Variants in LAMC2 observed in about 807,000 individuals in gnomAD.
LAMC2 encodes laminin subunit gamma-2.
Under a neutral mutation model 140.2 loss-of-function variants are expected in LAMC2, and 97 were observed. That is an observed-to-expected ratio of 0.69 (90% confidence interval 0.59 to 0.82). The LOEUF (loss-of-function observed/expected upper bound fraction) is 0.82, where lower values mean the gene tolerates loss of function less well. LAMC2 is among the 40% of genes least tolerant of loss of function. LAMC2 has a pLI of 0.00. For missense variants in LAMC2, 1,402 were observed against 1,476.1 expected, an observed-to-expected ratio of 0.95 and a Z score of 0.82; for synonymous variants, 513 against 540.2, an observed-to-expected ratio of 0.95 and a Z score of 0.70.
the LAMC2 span, chr1:183,252,597 A>T: frequency 1.5e-6 from 2 of 1,317,988 alleles, no homozygotes; most frequent in Non-Finnish European, 2.2e-6. Flanking sequence ...CAGGGGGCTG[A>T]CAAAGATGGA....
chr1:183,239,793 G>C lies in LAMC2; in HGVS notation c.3069+230G>C, dbSNP rs1011481868. ...GGTTCCTAACTCTGTTCAACATTTG[G>C]TGAGCATTGAACTGAGAGAGAAGCA... On this transcript the variant is annotated intron_variant, in intron 20 of 22. Coordinates refer to ENST00000264144, the MANE Select transcript of LAMC2 (RefSeq NM_005562.3). 6.3e-6 allele frequency: 4 copies of C among 633,652 alleles called. No individual in the cohort carries two copies. The South Asian group carries it at 7.8e-5, about 12-fold the overall frequency. 39.3% of individuals were successfully genotyped at this position (633,652 alleles called of 1,614,324 possible).
In LAMC2 at chr1:183,236,590, G is replaced by T. The variant is rs1659972369; in HGVS notation, c.2587G>T (p.Asp863Tyr). The change falls in exon 17 of 23, where the codon GAT becomes TAT. Residue 863 changes from aspartate (D) to tyrosine (Y), a missense_variant. By Grantham distance (160) the Asp-to-Tyr change is radical. Coordinates refer to ENST00000264144, the MANE Select transcript of LAMC2 (RefSeq NM_005562.3). ...DSVSRLQGVS[D>Y]QSFQVEEAKR... is the part of the protein sequence containing the mutation. ...AGTGTCTCGGCTTCAGGGAGTCAGT[G>T]ATCAGTCCTTTCAGGTGAGGGCATC... 1 of 1,614,102 alleles carries T rather than the reference G, an allele frequency of 6.2e-7. No homozygotes were observed. The highest frequency in any genetic ancestry group is 1.3e-5 in the African/African-American group (1 of 75,026).
intron 18 of LAMC2, 54 bp downstream of exon 18, chr1:183,237,558 A>G (rs905589948): frequency 3.5e-6 from 5 of 1,421,324 alleles, no homozygotes; most frequent in Admixed American, 1.8e-5. Context: ...TGCCCACCAT[A>G]TGAATAAATA....
chr1:183,249,514 G>T (rs189159644), downstream of LAMC2: 31 of 152,336 alleles, frequency 2.0e-4, 1 homozygote, highest in Admixed American at 2.0e-3. Flanking sequence ...GAAGGAACAG[G>T]ACCCCAGAGA....
At chr1:183,241,339 T>C in intron 22 of LAMC2, 1 of 984,522 alleles carries the variant, frequency 1.0e-6, no homozygotes, top group Non-Finnish European at 1.2e-6. Context: ...ATGTAACCAG[T>C]GGGAGGAACT....
chr1:183,224,352 G>A (rs1462463458), intron 7 of LAMC2, among the ~76,000 whole-genome samples: 1 of 152,180 alleles, frequency 6.6e-6, no homozygotes, highest in African/African-American at 2.4e-5. Context: ...GTTGGAAAAG[G>A]ACCCATCATG....
chr1:183,239,300 C>T (rs2102251416), intron 19 of LAMC2, 64 bp from the exon 20 acceptor site: 1 of 1,396,662 alleles, frequency 7.2e-7, no homozygotes, highest in East Asian at 2.3e-5. Flanking sequence ...CAACATCAGC[C>T]CCTTTCACTC....
chr1:183,238,405 C>T lies in LAMC2; in HGVS notation c.2853C>T (p.Ile951=), dbSNP rs1558098726. The T allele has an allele frequency of 1.2e-6, 2 of 1,610,706 alleles. No individual in the cohort carries two copies. The highest frequency in any genetic ancestry group is 4.5e-5 in the East Asian group (2 of 44,858). The change falls in exon 19 of 23, where the codon ATC becomes ATT. Residue 951 remains isoleucine, a synonymous_variant. Transcript: ENST00000264144. ...GNATFYEVES[I]LKNLREFDLQ... ...CCACTTTTTATGAAGTTGAGAGCAT[C>T]CTTAAAAACCTCAGAGGTTAGTACT...
At chr1:183,245,769 A>G (rs1211891477), downstream of LAMC2, among the ~76,000 whole-genome samples, 1 of 152,254 alleles carries the variant, frequency 6.6e-6, no homozygotes, top group Non-Finnish European at 1.5e-5. Flanking sequence ...TTCCAAGTGT[A>G]AGATTAGACA....
chr1:183,256,862 C>T, the LAMC2 span, among the ~76,000 whole-genome samples: 2 of 152,198 alleles, frequency 1.3e-5, no homozygotes, highest in South Asian at 2.1e-4. Context: ...AGTGATTCTT[C>T]TGCCTCAGCC....
chr1:183,236,507 C>T lies in LAMC2; in HGVS notation c.2504C>T (p.Thr835Ile). Residue 835 changes from threonine (T) to isoleucine (I), a missense_variant, in exon 17 of 23, where the codon ACT becomes ATT. Thr to Ile is a moderately conservative substitution (Grantham distance 89). Coordinates refer to ENST00000264144, the MANE Select transcript of LAMC2 (RefSeq NM_005562.3). ...GCCCAGCAGTTGACAAGGGAGGCCA[C>T]TCAAGCGGAAATTGAAGCAGATAGG... is the stretch of plus-strand genomic sequence containing the variant. ...SLAQQLTREA[T>I]QAEIEADRSY... is the part of the protein sequence containing the mutation. The T allele has an allele frequency of 1.2e-6, 2 of 1,614,066 alleles. No individual in the cohort carries two copies. The highest frequency in any genetic ancestry group is 1.7e-6 in the Non-Finnish European group (2 of 1,180,016).
intron 12 of LAMC2, 48 bp from the exon 13 acceptor site, chr1:183,232,139 G>T: frequency 6.2e-7 from 1 of 1,608,038 alleles, no homozygotes; most frequent in South Asian, 1.1e-5. Flanking sequence ...ATGATCCCTT[G>T]GGTACATGGT....
chr1:183,222,691 T>A (rs936804395), intron 6 of LAMC2, among the ~76,000 whole-genome samples: 1 of 152,206 alleles, frequency 6.6e-6, no homozygotes, highest in Non-Finnish European at 1.5e-5. Flanking sequence ...CTTGGGCAAG[T>A]TGTTCTCTTA....
chr1:183,256,723 C>A, the LAMC2 span, among the ~76,000 whole-genome samples: 1 of 152,248 alleles, frequency 6.6e-6, no homozygotes, highest in Non-Finnish European at 1.5e-5. Flanking sequence ...AGGACTTTTA[C>A]ATCAATGCTC....
At chr1:183,256,020 G>A in the LAMC2 span, among the ~76,000 whole-genome samples, 1 of 152,164 alleles carries the variant, frequency 6.6e-6, no homozygotes, top group South Asian at 2.1e-4. Context: ...TGGGAATAGT[G>A]GGCATTCTTG....
chr1:183,252,739 C>T, the LAMC2 span: 1 of 1,612,274 alleles, frequency 6.2e-7, no homozygotes, highest in Non-Finnish European at 8.5e-7. Context: ...TGCTGCAGGG[C>T]CAGCCTGCAC....
chr1:183,237,808 C>T (rs1571540555), intron 18 of LAMC2, among the ~76,000 whole-genome samples: 1 of 152,188 alleles, frequency 6.6e-6, no homozygotes, highest in African/African-American at 2.4e-5. Context: ...ATCACTTGAG[C>T]TCATGAGTTC....
intron 1 of LAMC2, among the ~76,000 whole-genome samples, chr1:183,187,071 G>C (rs1171617255): frequency 6.6e-6 from 1 of 152,208 alleles, no homozygotes; most frequent in Non-Finnish European, 1.5e-5. Flanking sequence ...AAAACTTTGT[G>C]AGAACCTAGC....
At chr1:183,229,453 A>G (rs908309712) in intron 11 of LAMC2, among the ~76,000 whole-genome samples, 1 of 152,036 alleles carries the variant, frequency 6.6e-6, no homozygotes, top group Non-Finnish European at 1.5e-5. Context: ...CCTGGCCAAC[A>G]TGGTGAAACC....
Sources: gnomAD v4.1 joint callset for allele counts (sites outside exome capture counted in the v4.1 genomes callset) on GRCh38, gnomAD v4.1.1 for gene constraint, MANE v1.5 for transcripts, NCBI Gene and HGNC (gene_info 2026-07-23, HGNC 2026-07-21) for gene names.